SUV39H2: variants seen among roughly 807,000 people sequenced by gnomAD.
SUV39H2 encodes the protein SUV39H2 histone lysine methyltransferase.
A neutral mutation model predicts 47.5 loss-of-function variants in SUV39H2; 10 were observed. The ratio of observed to expected loss-of-function variants is 0.21; its 90% confidence interval spans 0.13 to 0.36. SUV39H2 has a LOEUF of 0.36. Among genes scored for constraint, SUV39H2 ranks in the 10% least tolerant of loss-of-function variants. The pLI is 1.00. For missense variants in SUV39H2, 266 were observed against 487.4 expected (o/e 0.55, Z 4.28); for synonymous variants, 159 against 166.8 (o/e 0.95, Z 0.36).
intron 2 of SUV39H2, among the ~76,000 whole-genome samples, chr10:14,891,479 TC>T (rs1487018593): frequency 6.6e-6 from 1 of 152,164 alleles, no homozygotes; most frequent in Non-Finnish European, 1.5e-5. Context: ...CAAAAAAAAC[TC>T]CATAGTAAAG....
chr10:14,897,293 C>A lies in SUV39H2; in HGVS notation c.625C>A (p.Leu209Ile). The A allele has an allele frequency of 6.2e-7, 1 of 1,613,616 alleles. No individual in the cohort carries two copies. Residue 209 changes from leucine to isoleucine, a missense_variant, in exon 3 of 6, where the codon CTT becomes ATT. Physicochemically the swap from Leu to Ile is conservative, Grantham distance 5. This residue lies in a region of SUV39H2 where 112 missense variants were observed against 271.9 expected (regional missense o/e 0.41). Transcript: ENST00000354919. ...ATGTTGTCCTGCTGAAGCTGGAGTT[C>A]TTTTGGCTTATAATAAAAACCAACA... ...QKCCPAEAGV[L>I]LAYNKNQQIK...
chr10:14,894,901 G>T (rs1833516689), intron 2 of SUV39H2, among the ~76,000 whole-genome samples: 1 of 152,118 alleles, frequency 6.6e-6, no homozygotes, highest in Non-Finnish European at 1.5e-5. Flanking sequence ...AACTGTCATG[G>T]ACCTCTGTAC....
chr10:14,894,360 T>TAATTCACAAAGA (rs1564340047), intron 2 of SUV39H2, among the ~76,000 whole-genome samples: 1 of 86,102 alleles, frequency 1.2e-5, no homozygotes, highest in African/African-American at 6.2e-5. Flanking sequence ...GCAAAGTTTT[T>TAATTCACAAAGA]TTTTTTTTTT....
intron 2 of SUV39H2, among the ~76,000 whole-genome samples, chr10:14,883,970 G>C (rs575985346): frequency 1.3e-5 from 2 of 152,102 alleles, no homozygotes; most frequent in Non-Finnish European, 2.9e-5. Flanking sequence ...TTCACTCAGC[G>C]TGTTTTCAGG....
At chr10:14,902,385 T>A in intron 5 of SUV39H2, 21 bp from the exon 6 acceptor site, 1 of 1,510,264 alleles carries the variant, frequency 6.6e-7, no homozygotes, top group Non-Finnish European at 9.0e-7. Context: ...TTCTCCTATA[T>A]TTCTTTTTCT....
intron 2 of SUV39H2, among the ~76,000 whole-genome samples, chr10:14,893,318 C>T (rs1454833285): frequency 6.6e-6 from 1 of 151,608 alleles, no homozygotes; most frequent in Non-Finnish European, 1.5e-5. Context: ...ATTTTTAGTA[C>T]AGATGGGGTT....
chr10:14,898,016 T>G (rs1420877105), intron 3 of SUV39H2: 1 of 151,800 alleles, frequency 6.6e-6, no homozygotes, highest in East Asian at 1.9e-4. Flanking sequence ...TAACTTACTT[T>G]TGAACTGTGA....
intron 2 of SUV39H2, among the ~76,000 whole-genome samples, chr10:14,896,485 A>C (rs1833620057): frequency 6.6e-6 from 1 of 152,178 alleles, no homozygotes; most frequent in African/African-American, 2.4e-5. Flanking sequence ...GGTCATAAAG[A>C]GTTAGCTTTG....
intron 1 of SUV39H2, among the ~76,000 whole-genome samples, chr10:14,880,949 CAA>C (rs1261153610): frequency 6.6e-6 from 1 of 151,876 alleles, no homozygotes; most frequent in Non-Finnish European, 1.5e-5. Flanking sequence ...TGCAACATAT[CAA>C]AGAGAAAACT....
At chr10:14,894,109 T>C (rs1833482252) in intron 2 of SUV39H2, among the ~76,000 whole-genome samples, 1 of 152,164 alleles carries the variant, frequency 6.6e-6, no homozygotes, top group Non-Finnish European at 1.5e-5. Context: ...TGCTAGAGTG[T>C]GAACAGATAC....
intron 2 of SUV39H2, among the ~76,000 whole-genome samples, chr10:14,888,331 G>A (rs1833277539): frequency 6.6e-6 from 1 of 152,098 alleles, no homozygotes; most frequent in Non-Finnish European, 1.5e-5. Flanking sequence ...GGCAAGAGAG[G>A]TAGTCAGAAA....
chr10:14,892,720 C>G (rs1447964792), intron 2 of SUV39H2, among the ~76,000 whole-genome samples: 1 of 152,180 alleles, frequency 6.6e-6, no homozygotes, highest in Non-Finnish European at 1.5e-5. Context: ...ATATATTTCC[C>G]TATACCCCCT....
Position 14,900,650 on chromosome 10 carries a change from A to G in SUV39H2, c.997-483A>G, listed in dbSNP as rs80321264. On this transcript the variant is annotated intron_variant, in intron 4 of 5. Coordinates refer to ENST00000354919, the MANE Select transcript of SUV39H2 (RefSeq NM_001193424.2). Reference sequence around the variant, plus strand: ...TCCGTAAGTTTACTGTAGTATTCTCAAAACATTGAAGAGTTTGGACCAAAA... The same window carrying G: ...TCCGTAAGTTTACTGTAGTATTCTCGAAACATTGAAGAGTTTGGACCAAAA... Among the ~76,000 whole-genome samples, 115 of 152,326 alleles carry G rather than the reference A, an allele frequency of 7.5e-4. 3 individuals are homozygous for G. The East Asian group carries it at 0.02, about 27-fold the overall frequency.
chr10:14,880,246 G>C (rs773477207), intron 1 of SUV39H2, among the ~76,000 whole-genome samples: 13 of 152,310 alleles, frequency 8.5e-5, no homozygotes, highest in Non-Finnish European at 1.9e-4. Context: ...ATCGTTTGCA[G>C]CCAGTGAGAT....
Position 14,896,979 on chromosome 10 carries a change from T to G in SUV39H2, c.311T>G (p.Val104Gly), listed in dbSNP as rs1345725895. ...GACAAGCATAATTATTTATCTCAGG[T>G]AAAGAAAGGCAAAGCAATAACTCCA... ...SNDKHNYLSQ[V>G]KKGKAITPKD... The change falls in exon 3 of 6, where the codon GTA becomes GGA. Residue 104 changes from valine to glycine, a missense_variant. Physicochemically the swap from Val to Gly is moderately radical, Grantham distance 109. Transcript: ENST00000354919. 1 of 1,614,026 alleles carries G rather than the reference T, an allele frequency of 6.2e-7. No homozygotes were observed. Among genetic ancestry groups the G allele is most frequent in the Non-Finnish European group, 8.5e-7 (1 of 1,180,006 alleles).
intron 2 of SUV39H2, among the ~76,000 whole-genome samples, chr10:14,891,159 C>T (rs1375418100): frequency 2.0e-5 from 3 of 152,112 alleles, no homozygotes; most frequent in Non-Finnish European, 2.9e-5. Context: ...ATATTTACAC[C>T]GTTTTAAAAG....
At position 14,887,858 on chromosome 10, in the gene SUV39H2, T is replaced by A. The variant is rs112109461; in HGVS notation, c.177+6213T>A. On this transcript the variant is annotated intron_variant, in intron 2 of 5. Transcript: ENST00000354919. Reference sequence around the variant, plus strand: ...ACTTATCCTGGAGAGACTGGGCAGGTATCCCTGAGGAACTGATGTTTCAAC... The same window carrying A: ...ACTTATCCTGGAGAGACTGGGCAGGAATCCCTGAGGAACTGATGTTTCAAC... Among the ~76,000 whole-genome samples the A allele has an allele frequency of 7.3e-3, 1,106 of 152,326 alleles. 17 individuals are homozygous for A. Among genetic ancestry groups the A allele is most frequent in the African/African-American group, 0.025 (1,035 of 41,574 alleles).
chr10:14,897,214 CTTAG>C lies in SUV39H2; in HGVS notation c.548_551del (p.Leu183SerfsTer82). ...AATACAAACCAGCTCCTGGAATCAG[CTTAG>C]TCAATGAAGCTACCTTTGGTTGTTC... On this transcript the variant is annotated frameshift_variant, in exon 3 of 6. Transcript: ENST00000354919. LOFTEE classifies it high-confidence loss of function. The C allele has an allele frequency of 6.2e-7, 1 of 1,613,874 alleles. No individual in the cohort carries two copies. Among genetic ancestry groups the C allele is most frequent in the South Asian group, 1.1e-5 (1 of 91,082 alleles).
intron 2 of SUV39H2, among the ~76,000 whole-genome samples, chr10:14,886,487 A>G (rs963054850): frequency 6.6e-6 from 1 of 152,194 alleles, no homozygotes; most frequent in Non-Finnish European, 1.5e-5. Context: ...GTCTCATTTT[A>G]GTCCCGGTAC....
Sources: gnomAD v4.1 joint callset for allele counts (sites outside exome capture counted in the v4.1 genomes callset) on GRCh38, gnomAD v4.1.1 for gene constraint, gnomAD v4.1.1 regional missense constraint, MANE v1.5 for transcripts, NCBI Gene and HGNC (gene_info 2026-07-23, HGNC 2026-07-21) for gene names.